The following RABGAP1L variants were observed in gnomAD, a reference collection of about 807,000 sequenced individuals.
RABGAP1L encodes RAB GTPase activating protein 1 like, also known as rab GTPase-activating protein 1-like.
Under a neutral mutation model 137.7 loss-of-function variants are expected in RABGAP1L, and 63 were observed. That is an observed-to-expected ratio of 0.46 (90% CI 0.37 to 0.56). The LOEUF (loss-of-function observed/expected upper bound fraction) is 0.56. Ranked by LOEUF, RABGAP1L falls within the 20% of genes least tolerant of loss-of-function variation. The pLI is 0.00. For synonymous variants in RABGAP1L, 431 were observed against 433.7 expected (o/e 0.99, Z 0.08); for missense variants, 1,095 against 1,244.0 (o/e 0.88, Z 1.80).
intron 19 of RABGAP1L, among the ~76,000 whole-genome samples, chr1:174,821,188 T>C (rs1304428662): frequency 6.6e-6 from 1 of 151,990 alleles, no homozygotes; most frequent in African/African-American, 2.4e-5. Flanking sequence ...TGATTAAGAG[T>C]TGGAAATGCA....
At position 174,976,221 on chromosome 1, in the gene RABGAP1L, A is replaced by G. The variant is rs142685760; in HGVS notation, c.2649+39A>G. On this transcript the variant is annotated intron_variant, in intron 22 of 25. Transcript: ENST00000681986. ...TATGTAGGCTTTTCTTTACAAAGGT[A>G]TGTTGGTAGGGAATTAACACTATAA... The G allele has an allele frequency of 4.8e-5, 70 of 1,454,798 alleles. No homozygotes were observed. In the African/African-American group the frequency reaches 7.3e-4, roughly 15 times the overall value. 90.1% of individuals were successfully genotyped at this position (1,454,798 alleles called of 1,614,324 possible). A position where few individuals can be genotyped will look rare whatever the true frequency, so the allele number is the denominator to read the frequency against.
intron 1 of RABGAP1L, among the ~76,000 whole-genome samples, chr1:174,182,138 A>G (rs906918505): frequency 4.6e-5 from 7 of 151,012 alleles, no homozygotes; most frequent in Non-Finnish European, 7.4e-5. Flanking sequence ...ACTGTTGAGT[A>G]ACCACTTGCT....
At chr1:174,847,204 AT>A (rs1372302956) in intron 19 of RABGAP1L, among the ~76,000 whole-genome samples, 1 of 150,664 alleles carries the variant, frequency 6.6e-6, no homozygotes, top group Non-Finnish European at 1.5e-5. Context: ...GTGTCTTTTA[AT>A]TGGAGAATTG....
intron 18 of RABGAP1L, among the ~76,000 whole-genome samples, chr1:174,779,149 C>T (rs554349132): frequency 6.6e-6 from 1 of 152,260 alleles, no homozygotes; most frequent in Admixed American, 6.5e-5. Flanking sequence ...ACTCTCCCAT[C>T]AAAAGTATTT....
At chr1:174,342,814 C>T (rs2148896269) in intron 11 of RABGAP1L, among the ~76,000 whole-genome samples, 1 of 151,742 alleles carries the variant, frequency 6.6e-6, no homozygotes, top group Non-Finnish European at 1.5e-5. Flanking sequence ...TCTCGGCTCA[C>T]TGCAACTTCC....
chr1:174,840,053 A>G (rs924400741), intron 19 of RABGAP1L, among the ~76,000 whole-genome samples: 1 of 152,210 alleles, frequency 6.6e-6, no homozygotes, highest in Non-Finnish European at 1.5e-5. Context: ...ACTATATTAG[A>G]TAGGCCATTC....
intron 18 of RABGAP1L, among the ~76,000 whole-genome samples, chr1:174,770,144 A>G (rs1168722161): frequency 6.6e-6 from 1 of 152,176 alleles, no homozygotes; most frequent in Non-Finnish European, 1.5e-5. Context: ...AGGAATGCCT[A>G]TTGTCCTGTT....
intron 13 of RABGAP1L, among the ~76,000 whole-genome samples, chr1:174,563,208 G>T (rs1667340948): frequency 6.6e-6 from 1 of 152,106 alleles, no homozygotes; most frequent in South Asian, 2.1e-4. Flanking sequence ...CCTTTGCTAT[G>T]CACTGAGTCG....
intron 1 of RABGAP1L, among the ~76,000 whole-genome samples, chr1:174,179,246 T>C (rs574005416): frequency 3.5e-4 from 53 of 152,286 alleles, no homozygotes; most frequent in Non-Finnish European, 5.6e-4. Flanking sequence ...TCGAATTGAC[T>C]GTGTTAGCTT....
intron 1 of RABGAP1L, among the ~76,000 whole-genome samples, chr1:174,201,391 T>A (rs1668087571): frequency 6.6e-6 from 1 of 151,820 alleles, no homozygotes; most frequent in African/African-American, 2.4e-5. Flanking sequence ...AGAGATGGAG[T>A]TTCACCATGT....
chr1:174,973,289 A>G (rs1670311453), intron 21 of RABGAP1L, among the ~76,000 whole-genome samples: 1 of 152,214 alleles, frequency 6.6e-6, no homozygotes, highest in Non-Finnish European at 1.5e-5. Context: ...GCAAATAAAA[A>G]TAATAGGTCT....
chr1:174,355,176 C>T (rs528908432), intron 11 of RABGAP1L, among the ~76,000 whole-genome samples: 8 of 152,110 alleles, frequency 5.3e-5, no homozygotes, highest in East Asian at 3.9e-4. Context: ...ATGTTTATTG[C>T]GGCACTATTC....
At chr1:174,383,256 C>T (rs565669525) in intron 12 of RABGAP1L, among the ~76,000 whole-genome samples, 1 of 151,310 alleles carries the variant, frequency 6.6e-6, no homozygotes, top group Non-Finnish European at 1.5e-5. Context: ...TGTCTGTGCC[C>T]TGCCCTCAGA....
At chr1:174,906,908 A>C (rs1359578327) in intron 19 of RABGAP1L, among the ~76,000 whole-genome samples, 2 of 152,070 alleles carry the variant, frequency 1.3e-5, no homozygotes, top group Admixed American at 1.3e-4. Flanking sequence ...AAGAAAAAAA[A>C]AAACTTGCAT....
intron 11 of RABGAP1L, among the ~76,000 whole-genome samples, chr1:174,331,721 C>G (rs570260937): frequency 2.0e-5 from 3 of 152,240 alleles, no homozygotes; most frequent in African/African-American, 7.2e-5. Flanking sequence ...TACACGTGCA[C>G]AACGTGCAGG....
At chr1:174,296,408 C>T (rs973662524) in intron 10 of RABGAP1L, among the ~76,000 whole-genome samples, 3 of 152,136 alleles carry the variant, frequency 2.0e-5, no homozygotes, top group South Asian at 2.1e-4. Flanking sequence ...TTGTACTTTT[C>T]CTGAGTTTGG....
At chr1:174,619,985 A>C (rs951059557) in intron 13 of RABGAP1L, among the ~76,000 whole-genome samples, 1 of 152,214 alleles carries the variant, frequency 6.6e-6, no homozygotes, top group Non-Finnish European at 1.5e-5. Flanking sequence ...TACGGGTTGC[A>C]ATCCTAGTCT....
intron 19 of RABGAP1L, chr1:174,897,768 T>A (rs1012466379): frequency 6.6e-6 from 1 of 152,322 alleles, no homozygotes; most frequent in Non-Finnish European, 1.5e-5. Context: ...GGCAGGCAGA[T>A]CACCTGAGGT....
At chr1:174,238,091 G>A (rs1029752185) in intron 4 of RABGAP1L, among the ~76,000 whole-genome samples, 5 of 151,890 alleles carry the variant, frequency 3.3e-5, no homozygotes, top group African/African-American at 9.7e-5. Context: ...CATTATTCAC[G>A]TAGTTCTCGA....
Sources: gnomAD v4.1 joint callset for allele counts (sites outside exome capture counted in the v4.1 genomes callset) on GRCh38, gnomAD v4.1.1 for gene constraint, MANE v1.5 for transcripts, NCBI Gene and HGNC (gene_info 2026-07-23, HGNC 2026-07-21) for gene names.